The following SNRNP70 variants were observed in gnomAD, a reference collection of about 807,000 sequenced individuals.
SNRNP70 encodes the protein small nuclear ribonucleoprotein U1 subunit 70, also known as U1 small nuclear ribonucleoprotein 70 kDa.
Under a neutral mutation model 50.5 loss-of-function variants are expected in SNRNP70, and 8 were observed. The ratio of observed to expected loss-of-function variants is 0.16; its 90% CI spans 0.09 to 0.29. The LOEUF is 0.29. SNRNP70 is among the 10% of genes least tolerant of loss of function. The pLI is 1.00. For synonymous variants in SNRNP70, 320 were observed against 252.9 expected (o/e 1.27, Z -2.52); for missense variants, 529 against 663.5 (o/e 0.80, Z 2.23).
intron 7 of SNRNP70, 33 bp downstream of exon 7, chr19:49,101,504 C>T (rs747249906): frequency 6.7e-7 from 1 of 1,484,574 alleles, no homozygotes; most frequent in Non-Finnish European, 9.4e-7. Context: ...TGCCCTCTGA[C>T]CTGCTCTCAC....
In SNRNP70 at chr19:49,108,193, G is replaced by A; in HGVS notation, c.1064G>A (p.Arg355Gln). ...EKGRDRDRER[R>Q]RSHRSERERR... ...GGCCGGGATCGTGACCGGGAGCGAC[G>A]GCGGAGCCACCGGAGCGAGCGCGAG... Residue 355 changes from arginine to glutamine, a missense_variant, in exon 10 of 10, where the codon CGG becomes CAG. Coordinates refer to ENST00000598441, the MANE Select transcript of SNRNP70 (RefSeq NM_003089.6). The A allele has an allele frequency of 3.9e-6, 6 of 1,535,088 alleles. No individual in the cohort carries two copies. The highest frequency in any genetic ancestry group is 5.3e-6 in the Non-Finnish European group (6 of 1,139,966).
chr19:49,085,773 C>G (rs1050596460), intron 1 of SNRNP70, 137 bp downstream of exon 1: 27 of 391,464 alleles, frequency 6.9e-5, no homozygotes, highest in Non-Finnish European at 2.6e-5. Flanking sequence ...CATCCCTTTC[C>G]CGGACCCCGA....
At chr19:49,098,027 C>T (rs1442300192) in intron 4 of SNRNP70, among the ~76,000 whole-genome samples, 1 of 152,220 alleles carries the variant, frequency 6.6e-6, no homozygotes, top group East Asian at 1.9e-4. Context: ...CAGGAGGGAG[C>T]TCAGAACCTG....
intron 4 of SNRNP70, among the ~76,000 whole-genome samples, chr19:49,095,286 C>T (rs2040498796): frequency 6.6e-6 from 1 of 152,260 alleles, no homozygotes; most frequent in African/African-American, 2.4e-5. Context: ...CCCAGCCCTG[C>T]AGCATTCATT....
chr19:49,105,599 T>G (rs1600292894), intron 8 of SNRNP70, among the ~76,000 whole-genome samples: 1 of 151,936 alleles, frequency 6.6e-6, no homozygotes, highest in South Asian at 2.1e-4. Context: ...TGGTGGCGGG[T>G]GCCTGTAATC....
intron 8 of SNRNP70, among the ~76,000 whole-genome samples, chr19:49,106,884 G>A (rs1208668194): frequency 1.3e-5 from 2 of 152,204 alleles, no homozygotes; most frequent in Non-Finnish European, 2.9e-5. Context: ...GCATGCCCAC[G>A]GTTCCGGTGC....
At chr19:49,087,115 G>A (rs1301750248) in intron 2 of SNRNP70, among the ~76,000 whole-genome samples, 3 of 148,864 alleles carry the variant, frequency 2.0e-5, no homozygotes, top group Non-Finnish European at 4.4e-5. Context: ...AGGAGGCGGA[G>A]GTTGCAATGA....
chr19:49,105,039 C>A (rs1027461048), intron 8 of SNRNP70, among the ~76,000 whole-genome samples: 2 of 152,128 alleles, frequency 1.3e-5, no homozygotes, highest in African/African-American at 4.8e-5. Flanking sequence ...GTGGAAATAA[C>A]CCCGAGTTCA....
In SNRNP70 at chr19:49,104,550, G is replaced by A. The variant is rs753804027; in HGVS notation, c.476-84G>A. 1.9e-5 allele frequency: 19 copies of A among 1,024,592 alleles called. No homozygotes were observed. The highest frequency in any genetic ancestry group is 3.2e-5 in the African/African-American group (2 of 62,706). The allele number at this position is 1,024,592 out of a possible 1,614,324, so 63.5% of individuals were successfully genotyped here. On this transcript the variant is annotated intron_variant, in intron 7 of 9. Coordinates refer to ENST00000598441, the MANE Select transcript of SNRNP70 (RefSeq NM_003089.6). The surrounding 1 kb of genome is among the most constrained non-coding windows in gnomAD (Gnocchi z 5.4). ...GTGCGTGATGATGGGGACACGGGGC[G>A]GGGATTCTGTAGAGCTGGGCCTGTC...
rs560223312 is a variant in SNRNP70, at chr19:49,093,683, A to C, written c.265+3163A>C. Among the ~76,000 whole-genome samples the C allele has an allele frequency of 6.3e-5, 9 of 143,082 alleles. No individual in the cohort carries two copies. In the South Asian group the frequency reaches 2.1e-3, roughly 33 times the overall value. The allele number at this position is 143,082 out of a possible 152,430, so 93.9% of individuals were successfully genotyped here. ...GACAGAACAAGATTCCATCTCAAAA[A>C]AAAAAAAAACAAAAAAAAAAACAGT... On this transcript the variant is annotated intron_variant, in intron 4 of 9. Coordinates refer to ENST00000598441, the MANE Select transcript of SNRNP70 (RefSeq NM_003089.6).
intron 6 of SNRNP70, 129 bp downstream of exon 6, chr19:49,098,833 C>G: frequency 1.3e-6 from 1 of 744,316 alleles, no homozygotes; most frequent in South Asian, 1.5e-5. Flanking sequence ...TTTATGCATC[C>G]TGACTGTATC....
intron 6 of SNRNP70, 29 bp downstream of exon 6, chr19:49,098,733 T>C (rs757910402): frequency 6.3e-7 from 1 of 1,584,592 alleles, no homozygotes; most frequent in Non-Finnish European, 8.7e-7. Flanking sequence ...GGTGTTTGAA[T>C]TGGGGGTGCA....
intron 4 of SNRNP70, among the ~76,000 whole-genome samples, chr19:49,097,182 A>G (rs146048809): frequency 6.6e-6 from 1 of 151,956 alleles, no homozygotes; most frequent in African/African-American, 2.4e-5. Flanking sequence ...CAACACCCAC[A>G]CTGTCTTCCT....
At chr19:49,100,994 C>T (rs2040577538) in intron 6 of SNRNP70, among the ~76,000 whole-genome samples, 1 of 152,120 alleles carries the variant, frequency 6.6e-6, no homozygotes, top group South Asian at 2.1e-4. Flanking sequence ...TTGATGACCC[C>T]GGGCCTGCCC....
intron 4 of SNRNP70, among the ~76,000 whole-genome samples, chr19:49,092,148 C>T (rs1158338924): frequency 1.3e-5 from 2 of 152,114 alleles, no homozygotes; most frequent in East Asian, 1.9e-4. Flanking sequence ...CTCGCTCTGT[C>T]GCCAGGCTGG....
rs1021936171 is a variant in SNRNP70, at chr19:49,098,356, C to T, written c.266-71C>T. ...CCACCGTTTTCTTCTTGGCCTCTGCCCATCGTATTTGTTTTGCTACCTGAG... is the reference window on the plus strand; with the variant it reads ...CCACCGTTTTCTTCTTGGCCTCTGCTCATCGTATTTGTTTTGCTACCTGAG... On this transcript the variant is annotated intron_variant, in intron 4 of 9. Transcript: ENST00000598441. 29 of 1,247,970 alleles carry T rather than the reference C, an allele frequency of 2.3e-5. No individual in the cohort carries two copies. The Admixed American group carries it at 4.5e-4, about 19-fold the overall frequency. The allele number at this position is 1,247,970 out of a possible 1,614,324, so 77.3% of individuals were successfully genotyped here.
chr19:49,097,048 T>A (rs1209390246), intron 4 of SNRNP70, among the ~76,000 whole-genome samples: 1 of 151,950 alleles, frequency 6.6e-6, no homozygotes, highest in African/African-American at 2.4e-5. Flanking sequence ...GAGAATTGCT[T>A]GAACCTCGGA....
rs2040717962 is a variant in SNRNP70, at chr19:49,108,569, C to CCCTTGGATTTAAAAATAAAATTAATTT, written c.*130_*156dup. 8.1e-7 allele frequency: 1 copy of CCCTTGGATTTAAAAATAAAATTAATTT among 1,229,318 alleles called. No homozygotes were observed. Among genetic ancestry groups the CCCTTGGATTTAAAAATAAAATTAATTT allele is most frequent in the Admixed American group, 2.9e-5 (1 of 34,446 alleles). 76.2% of individuals were successfully genotyped at this position (1,229,318 alleles called of 1,614,324 possible). ...GGGTAGGTGTCTCATTTGTTCTGGC[C>CCCTTGGATTTAAAAATAAAATTAATTT]CCTTGGATTTAAAAATAAAATTAAT... is the stretch of plus-strand genomic sequence containing the variant. On this transcript the variant is annotated 3_prime_UTR_variant, in exon 10 of 10. Transcript: ENST00000598441.
chr19:49,101,062 C>T (rs558594425), intron 6 of SNRNP70, among the ~76,000 whole-genome samples: 2 of 152,308 alleles, frequency 1.3e-5, no homozygotes, highest in African/African-American at 2.4e-5. Context: ...CCAGCCCTGC[C>T]GAAGCGCATC....
Sources: allele counts gnomAD v4.1 joint callset (sites outside exome capture counted in the v4.1 genomes callset), GRCh38; gene constraint gnomAD v4.1.1; non-coding constraint Gnocchi (gnomAD v3.1); transcripts MANE v1.5; gene names NCBI Gene and HGNC (gene_info 2026-07-23, HGNC 2026-07-21).